Variants in ROBO1 observed in about 807,000 individuals in gnomAD.
ROBO1 encodes the protein roundabout homolog 1.
In ROBO1, 149 loss-of-function variants were observed where a neutral mutation model predicts 195.9. The observed-to-expected ratio is 0.76, with a 90% CI of 0.67 to 0.87. ROBO1 has a LOEUF of 0.87. Among genes scored for constraint, ROBO1 ranks in the 40% least tolerant of loss-of-function variants. The pLI is 0.00. For synonymous variants in ROBO1, 816 were observed against 733.2 expected (o/e 1.11, Z -1.82); for missense variants, 1,933 against 2,068.3 (o/e 0.93, Z 1.27).
At chr3:79,638,619 T>C (rs757863887) in intron 1 of ROBO1, among the ~76,000 whole-genome samples, 9 of 152,132 alleles carry the variant, frequency 5.9e-5, no homozygotes, top group Non-Finnish European at 1.3e-4. Flanking sequence ...AGCAGATTAA[T>C]TTCTGTGAAA....
intron 3 of ROBO1, among the ~76,000 whole-genome samples, chr3:79,068,838 A>T (rs2079043149): frequency 6.6e-6 from 1 of 151,902 alleles, no homozygotes; most frequent in Non-Finnish European, 1.5e-5. Context: ...AATCCAATGA[A>T]ATGGAAATCT....
intron 3 of ROBO1, among the ~76,000 whole-genome samples, chr3:78,971,595 G>A (rs2107915926): frequency 6.6e-6 from 1 of 152,262 alleles, no homozygotes; most frequent in East Asian, 1.9e-4. Flanking sequence ...CAACCATACT[G>A]CTCAACCCAG....
chr3:78,669,106 A>G (rs1284685376), intron 11 of ROBO1, among the ~76,000 whole-genome samples: 1 of 152,220 alleles, frequency 6.6e-6, no homozygotes, highest in African/African-American at 2.4e-5. Context: ...AGAAGTACAA[A>G]GCCAAACTCA....
At chr3:79,558,311 A>C (rs993607730) in intron 2 of ROBO1, among the ~76,000 whole-genome samples, 8 of 152,066 alleles carry the variant, frequency 5.3e-5, no homozygotes, top group African/African-American at 1.9e-4. Context: ...ATGAAGGAAC[A>C]CTCTTATGAT....
intron 2 of ROBO1, among the ~76,000 whole-genome samples, chr3:79,321,597 G>T (rs997842429): frequency 1.3e-5 from 2 of 152,116 alleles, no homozygotes; most frequent in Non-Finnish European, 2.9e-5. Flanking sequence ...GAAGTCTGAG[G>T]TTTCCTTCTT....
rs536131147 is a variant in ROBO1 at position 79,118,215 on chromosome 3, G to C, written c.172+7241C>G. Reference sequence around the variant, plus strand: ...TAGTTCAGCTAAAAATATTAGGCTGGTACAAAAGTAATTGTGTGGGTTTTT... The same window carrying C: ...TAGTTCAGCTAAAAATATTAGGCTGCTACAAAAGTAATTGTGTGGGTTTTT... On this transcript the variant is annotated intron_variant, in intron 3 of 30. Transcript: ENST00000464233. Among the ~76,000 whole-genome samples the C allele has an allele frequency of 2.7e-5, 4 of 150,736 alleles. No individual in the cohort carries two copies. The South Asian group carries it at 8.4e-4, about 32-fold the overall frequency.
At chr3:78,701,793 T>C (rs1162246191) in intron 8 of ROBO1, among the ~76,000 whole-genome samples, 3 of 152,158 alleles carry the variant, frequency 2.0e-5, no homozygotes, top group African/African-American at 7.2e-5. Context: ...CCACACAAAA[T>C]AAATGTCCTA....
intron 2 of ROBO1, among the ~76,000 whole-genome samples, chr3:79,531,745 G>A (rs75755909): frequency 0.021 from 3,156 of 152,098 alleles, 32 homozygotes; most frequent in Non-Finnish European, 0.033. Context: ...TGAGACACTC[G>A]GTGTTGATTC....
Position 79,372,341 on chromosome 3 carries a change from G to A in ROBO1, c.88+217483C>T, listed in dbSNP as rs140905408. On this transcript the variant is annotated intron_variant, in intron 2 of 30. Coordinates refer to ENST00000464233, the MANE Select transcript of ROBO1 (RefSeq NM_002941.4). ...CCTGCCTCAGCCTCCCGAGTAGCTG[G>A]GATTACAGGTGGATGTGCCACCACA... Among the ~76,000 whole-genome samples the A allele has an allele frequency of 2.0e-5, 3 of 151,968 alleles. No individual in the cohort carries two copies. The East Asian group carries it at 5.8e-4, about 29-fold the overall frequency.
chr3:79,625,069 G>C (rs28760911), intron 1 of ROBO1, among the ~76,000 whole-genome samples: 1,597 of 152,064 alleles, frequency 0.011, 34 homozygotes, highest in African/African-American at 0.037. Context: ...ACGATTATAC[G>C]GAAAATGAAC....
intron 2 of ROBO1, among the ~76,000 whole-genome samples, chr3:79,257,286 A>G (rs925364407): frequency 2.6e-5 from 4 of 152,182 alleles, no homozygotes; most frequent in African/African-American, 9.6e-5. Flanking sequence ...TAATAGACAA[A>G]AGAGGGATTT....
chr3:78,973,574 GCTATAT>G (rs2107932228), intron 3 of ROBO1, among the ~76,000 whole-genome samples: 1 of 101,286 alleles, frequency 9.9e-6, no homozygotes, highest in South Asian at 2.8e-4. Context: ...CATATATGAA[GCTATAT>G]ATATATATAT....
intron 1 of ROBO1, among the ~76,000 whole-genome samples, chr3:79,679,910 C>A (rs562787435): frequency 6.6e-6 from 1 of 152,122 alleles, no homozygotes. Context: ...ATCCAATGTT[C>A]TTGAGTTTAA....
chr3:79,129,155 C>T (rs903518481), intron 2 of ROBO1, among the ~76,000 whole-genome samples: 4 of 152,134 alleles, frequency 2.6e-5, no homozygotes, highest in East Asian at 1.9e-4. Context: ...CTAAACTGAT[C>T]GGCTTGTTTT....
chr3:79,655,844 T>A (rs1410417021), intron 1 of ROBO1, among the ~76,000 whole-genome samples: 2 of 152,060 alleles, frequency 1.3e-5, no homozygotes, highest in Non-Finnish European at 2.9e-5. Context: ...CTTCTAGTTG[T>A]CCTTTCAGCT....
rs369318306 is a variant in ROBO1, at chr3:79,156,850, C to T, written c.89-31311G>A. Among the ~76,000 whole-genome samples, 28 of 151,804 alleles carry T rather than the reference C, an allele frequency of 1.8e-4. 1 individual carries two copies. The highest frequency in any genetic ancestry group is 7.8e-4 in the East Asian group (4 of 5,136). ...TTGGTAAGGAGAATATGAATTAGGG[C>T]GTCTACAGATTCCTTTACTTTGTAA... On this transcript the variant is annotated intron_variant, in intron 2 of 30. Coordinates refer to ENST00000464233, the MANE Select transcript of ROBO1 (RefSeq NM_002941.4).
intron 9 of ROBO1, among the ~76,000 whole-genome samples, chr3:78,687,261 G>T (rs1038057066): frequency 7.2e-5 from 11 of 152,122 alleles, no homozygotes; most frequent in African/African-American, 2.7e-4. Context: ...AATTCTTCCT[G>T]TTCTATTGAA....
chr3:78,808,315 CT>C (rs2084616406), intron 4 of ROBO1, among the ~76,000 whole-genome samples: 1 of 152,134 alleles, frequency 6.6e-6, no homozygotes, highest in South Asian at 2.1e-4. Context: ...AGCAATTCTC[CT>C]GCCTCAGCCT....
chr3:79,412,357 T>A (rs771134999), intron 2 of ROBO1, among the ~76,000 whole-genome samples: 16 of 152,158 alleles, frequency 1.1e-4, no homozygotes, highest in African/African-American at 3.9e-4. Flanking sequence ...TTCTTCCATA[T>A]GTTTGTCAAC....
Sources: allele counts gnomAD v4.1 joint callset (sites outside exome capture counted in the v4.1 genomes callset), GRCh38; gene constraint gnomAD v4.1.1; transcripts MANE v1.5; gene names NCBI Gene and HGNC (gene_info 2026-07-23, HGNC 2026-07-21).